RABGAP1L: variants seen among roughly 807,000 people sequenced by gnomAD.
RABGAP1L encodes the protein rab GTPase-activating protein 1-like.
Under a neutral mutation model 137.7 loss-of-function variants are expected in RABGAP1L, and 63 were observed. The observed-to-expected ratio is 0.46, with a 90% CI of 0.37 to 0.56. RABGAP1L has a LOEUF of 0.56. Among genes scored for constraint, RABGAP1L ranks in the 20% least tolerant of loss-of-function variants. The pLI, the probability that RABGAP1L is intolerant of heterozygous loss-of-function variation, is 0.00. For synonymous variants in RABGAP1L, 431 were observed against 433.7 expected, an observed-to-expected ratio of 0.99 and a Z score of 0.08; for missense variants, 1,095 against 1,244.0, an observed-to-expected ratio of 0.88 and a Z score of 1.80.
At chr1:174,527,917 T>TTTTTTTTTTTTTTTTTTG (rs1664048443) in intron 13 of RABGAP1L, among the ~76,000 whole-genome samples, 1 of 151,110 alleles carries the variant, frequency 6.6e-6, no homozygotes, top group African/African-American at 2.4e-5. Context: ...TTTTTTTTTT[T>TTTTTTTTTTTTTTTTTTG]TTACCTTATT....
intron 13 of RABGAP1L, among the ~76,000 whole-genome samples, chr1:174,572,610 T>C (rs1557860387): frequency 6.6e-6 from 1 of 152,188 alleles, no homozygotes; most frequent in African/African-American, 2.4e-5. Context: ...CTCGAACTCC[T>C]GACCTCGTGA....
chr1:174,210,700 C>G (rs952154605), intron 1 of RABGAP1L, among the ~76,000 whole-genome samples: 1 of 152,074 alleles, frequency 6.6e-6, no homozygotes, highest in Non-Finnish European at 1.5e-5. Context: ...TAACAGAGAA[C>G]TTACCAAATC....
intron 18 of RABGAP1L, among the ~76,000 whole-genome samples, chr1:174,796,343 C>T (rs1391106484): frequency 2.0e-5 from 3 of 151,912 alleles, no homozygotes; most frequent in Non-Finnish European, 4.4e-5. Flanking sequence ...ATTACTGAAT[C>T]GCAACAACAA....
chr1:174,694,976 T>C (rs553189370), intron 15 of RABGAP1L, among the ~76,000 whole-genome samples: 18 of 152,256 alleles, frequency 1.2e-4, no homozygotes, highest in Admixed American at 5.2e-4. Flanking sequence ...TTTCATGTGT[T>C]TTTTGGCTGC....
At chr1:174,621,489 C>T (rs1047249812) in intron 13 of RABGAP1L, among the ~76,000 whole-genome samples, 13 of 152,194 alleles carry the variant, frequency 8.5e-5, no homozygotes, top group African/African-American at 3.1e-4. Context: ...CAGCATGGTA[C>T]TGGTAGCAAA....
chr1:174,530,665 C>G (rs1664310232), intron 13 of RABGAP1L, among the ~76,000 whole-genome samples: 1 of 152,122 alleles, frequency 6.6e-6, no homozygotes, highest in Admixed American at 6.5e-5. Flanking sequence ...TTAGGTATTT[C>G]CTGTCACTTT....
At chr1:174,792,451 C>A (rs192874249) in intron 18 of RABGAP1L, among the ~76,000 whole-genome samples, 3 of 151,798 alleles carry the variant, frequency 2.0e-5, no homozygotes. Context: ...ATTAACGTCA[C>A]GTGGAAAAAA....
intron 13 of RABGAP1L, among the ~76,000 whole-genome samples, chr1:174,482,523 C>T (rs1020132364): frequency 4.6e-5 from 7 of 152,168 alleles, no homozygotes; most frequent in South Asian, 4.1e-4. Context: ...CAGAGTCTTG[C>T]TCTGTTGCCC....
At position 174,398,766 on chromosome 1, in the gene RABGAP1L, A is replaced by C. The variant is rs1648191562; in HGVS notation, c.1710+4621A>C. 2.0e-5 allele frequency among the ~76,000 whole-genome samples: 3 copies of C among 152,184 alleles called. No individual in the cohort carries two copies. The South Asian group carries it at 6.2e-4, about 31-fold the overall frequency. The stretch of plus-strand genomic sequence containing the variant: ...ACCCCCGAAAATCTAGGCTTTTTGT[A>C]AACAGGAAAGAGAAAATAGGTATTG... On this transcript the variant is annotated intron_variant, in intron 13 of 25. Transcript: ENST00000681986.
intron 11 of RABGAP1L, among the ~76,000 whole-genome samples, chr1:174,343,285 A>T (rs1395686029): frequency 1.3e-5 from 2 of 152,202 alleles, no homozygotes; most frequent in Admixed American, 6.5e-5. Flanking sequence ...AATAGTATGT[A>T]CTCTGAAACA....
At chr1:174,369,338 C>T (rs974481515) in intron 11 of RABGAP1L, among the ~76,000 whole-genome samples, 12 of 152,084 alleles carry the variant, frequency 7.9e-5, no homozygotes, top group African/African-American at 2.2e-4. Context: ...TATAGGAGTA[C>T]GCCACCATGC....
chr1:174,297,524 C>T (rs1169926926), intron 10 of RABGAP1L, among the ~76,000 whole-genome samples: 2 of 152,132 alleles, frequency 1.3e-5, no homozygotes, highest in East Asian at 1.9e-4. Flanking sequence ...TTTTCTGGGG[C>T]GGCCCTTGCA....
At chr1:174,731,246 A>G (rs1682441127) in intron 17 of RABGAP1L, among the ~76,000 whole-genome samples, 1 of 152,212 alleles carries the variant, frequency 6.6e-6, no homozygotes, top group Non-Finnish European at 1.5e-5. Context: ...TGCTGGGAAT[A>G]CAAGCGTGAG....
chr1:174,592,178 C>G (rs1262143714), intron 13 of RABGAP1L, among the ~76,000 whole-genome samples: 1 of 2,532 alleles, frequency 3.9e-4, no homozygotes, highest in African/African-American at 1.1e-3. Context: ...TATAAGAATG[C>G]TTGTGATTTT....
At chr1:174,807,443 G>A (rs548502647) in intron 18 of RABGAP1L, among the ~76,000 whole-genome samples, 6 of 152,246 alleles carry the variant, frequency 3.9e-5, no homozygotes, top group East Asian at 1.9e-4. Flanking sequence ...AATCTTTGCC[G>A]AGCAAGAAGT....
intron 13 of RABGAP1L, among the ~76,000 whole-genome samples, chr1:174,631,960 CGTTA>C (rs1673426087): frequency 1.1e-5 from 1 of 88,764 alleles, no homozygotes; most frequent in Admixed American, 1.3e-4. Flanking sequence ...TGATTTTGCT[CGTTA>C]GTTGATGCAG....
At chr1:174,347,641 C>T (rs1250119305) in intron 11 of RABGAP1L, among the ~76,000 whole-genome samples, 3 of 151,994 alleles carry the variant, frequency 2.0e-5, no homozygotes, top group South Asian at 4.1e-4. Flanking sequence ...TACAGGCACC[C>T]GCCTCCACAC....
intron 13 of RABGAP1L, among the ~76,000 whole-genome samples, chr1:174,424,079 A>G (rs1651670893): frequency 6.6e-6 from 1 of 152,120 alleles, no homozygotes; most frequent in Non-Finnish European, 1.5e-5. Context: ...AGCATATAGT[A>G]GACTTTCAAG....
At chr1:174,742,633 C>T (rs1043801019) in intron 17 of RABGAP1L, among the ~76,000 whole-genome samples, 1 of 152,168 alleles carries the variant, frequency 6.6e-6, no homozygotes, top group Admixed American at 6.5e-5. Context: ...AGGTCAAGAT[C>T]AGCTAATAGT....
Sources: gnomAD v4.1 joint callset for allele counts (sites outside exome capture counted in the v4.1 genomes callset) on GRCh38, gnomAD v4.1.1 for gene constraint, MANE v1.5 for transcripts, NCBI Gene and HGNC (gene_info 2026-07-23, HGNC 2026-07-21) for gene names.